Variants in EPB41L3 observed in about 807,000 individuals in gnomAD.
The protein encoded by EPB41L3 is band 4.1-like protein 3.
A neutral mutation model predicts 127.1 loss-of-function variants in EPB41L3; 57 were observed. That is an observed-to-expected ratio of 0.45 (90% confidence interval 0.36 to 0.56). EPB41L3 has a LOEUF of 0.56. EPB41L3 is among the 20% of genes least tolerant of loss of function. The pLI is 0.00. For missense variants in EPB41L3, 1,273 were observed against 1,372.2 expected (o/e 0.93, Z 1.14); for synonymous variants, 572 against 549.5 (o/e 1.04, Z -0.57).
intron 3 of EPB41L3, among the ~76,000 whole-genome samples, chr18:5,450,473 GT>G (rs1375590781): frequency 6.9e-6 from 1 of 145,184 alleles, no homozygotes; most frequent in Non-Finnish European, 1.5e-5. Flanking sequence ...ACTGGGGGGG[GT>G]GAGGGGAAGA....
At chr18:5,437,995 C>A in intron 6 of EPB41L3, 40 bp downstream of exon 6, 1 of 1,577,904 alleles carries the variant, frequency 6.3e-7, no homozygotes, top group South Asian at 1.1e-5. Flanking sequence ...GCACAACTCT[C>A]CCAATATGCT....
intron 1 of EPB41L3, among the ~76,000 whole-genome samples, chr18:5,505,002 C>T (rs1428102792): frequency 6.6e-6 from 1 of 152,128 alleles, no homozygotes; most frequent in African/African-American, 2.4e-5. Context: ...AAGCTCGCTC[C>T]AACACCACCT....
At chr18:5,396,978 A>G in intron 18 of EPB41L3, 80 bp downstream of exon 18, 4 of 1,427,870 alleles carry the variant, frequency 2.8e-6, no homozygotes, top group Non-Finnish European at 3.8e-6. Context: ...ACTTAGCTCC[A>G]CCTTTATGCT....
intron 19 of EPB41L3, 39 bp downstream of exon 19, chr18:5,396,162 A>C: frequency 6.2e-7 from 1 of 1,613,590 alleles, no homozygotes; most frequent in South Asian, 1.1e-5. Context: ...GAGGGGTGAA[A>C]TAAGCAGCCA....
chr18:5,476,034 G>A (rs1428018819), intron 3 of EPB41L3, among the ~76,000 whole-genome samples: 1 of 152,014 alleles, frequency 6.6e-6, no homozygotes, highest in Non-Finnish European at 1.5e-5. Flanking sequence ...CAAAACGCAA[G>A]AGCCATTGTA....
chr18:5,445,643 C>A (rs1368128558), intron 3 of EPB41L3, among the ~76,000 whole-genome samples: 1 of 152,092 alleles, frequency 6.6e-6, no homozygotes, highest in Non-Finnish European at 1.5e-5. Flanking sequence ...ATGCAGAGTG[C>A]CCTAACTCAA....
intron 3 of EPB41L3, among the ~76,000 whole-genome samples, chr18:5,595,580 T>C (rs569223404): frequency 6.6e-6 from 1 of 152,200 alleles, no homozygotes; most frequent in South Asian, 2.1e-4. Flanking sequence ...TTATTTGTTA[T>C]CTGATGTGCC....
chr18:5,399,650 A>T (rs927918966), intron 16 of EPB41L3: 3 of 310,130 alleles, frequency 9.7e-6, no homozygotes, highest in African/African-American at 6.4e-5. Flanking sequence ...TTTTTGAAGA[A>T]CAGATTTGCT....
At chr18:5,485,486 C>T (rs1392190091) in intron 2 of EPB41L3, among the ~76,000 whole-genome samples, 2 of 151,854 alleles carry the variant, frequency 1.3e-5, no homozygotes, top group Non-Finnish European at 2.9e-5. Flanking sequence ...ACTGGAAGTC[C>T]TGGCTGGCAC....
intron 1 of EPB41L3, among the ~76,000 whole-genome samples, chr18:5,509,527 C>T (rs975673720): frequency 6.6e-6 from 1 of 152,144 alleles, no homozygotes; most frequent in Non-Finnish European, 1.5e-5. Flanking sequence ...TAAAAGGAAT[C>T]GAAGGAGATC....
chr18:5,622,644 A>G (rs73937179), intron 1 of EPB41L3, among the ~76,000 whole-genome samples: 2,983 of 152,298 alleles, frequency 0.02, 93 homozygotes, highest in African/African-American at 0.067. Flanking sequence ...AAGGCACCCA[A>G]CGTTCAAAGA....
intron 3 of EPB41L3, chr18:5,570,053 C>T (rs2094256901): frequency 6.6e-6 from 1 of 152,112 alleles, no homozygotes; most frequent in South Asian, 2.1e-4. Flanking sequence ...AGGAGGTCTA[C>T]AGGTAAGCAG....
At chr18:5,434,198 T>C in intron 6 of EPB41L3, 77 bp from the exon 7 acceptor site, 1 of 1,176,274 alleles carries the variant, frequency 8.5e-7, no homozygotes, top group South Asian at 1.3e-5. Flanking sequence ...GTAAAAATCG[T>C]GGGCAAATAA....
intron 3 of EPB41L3, among the ~76,000 whole-genome samples, chr18:5,475,161 T>C (rs2086921698): frequency 6.6e-6 from 1 of 152,188 alleles, no homozygotes; most frequent in African/African-American, 2.4e-5. Context: ...CACCATCCTA[T>C]AATTCTCGCT....
intron 14 of EPB41L3, among the ~76,000 whole-genome samples, chr18:5,408,418 C>T (rs1373139415): frequency 3.3e-5 from 5 of 151,562 alleles, no homozygotes; most frequent in African/African-American, 9.7e-5. Context: ...GGATTACAGG[C>T]GCCTGCCACC....
intron 1 of EPB41L3, among the ~76,000 whole-genome samples, chr18:5,541,252 CAAA>C (rs370717420): frequency 1.3e-4 from 6 of 46,758 alleles, no homozygotes; most frequent in Admixed American, 7.7e-4. Context: ...GACTCCATCT[CAAA>C]AAAAAAAAAA....
intron 3 of EPB41L3, among the ~76,000 whole-genome samples, chr18:5,605,950 A>G (rs1306230975): frequency 6.6e-6 from 1 of 152,186 alleles, no homozygotes. Flanking sequence ...GGAGGATGAA[A>G]AAAATCACAG....
intron 3 of EPB41L3, among the ~76,000 whole-genome samples, chr18:5,557,616 C>G (rs1489719454): frequency 6.6e-6 from 1 of 151,126 alleles, no homozygotes; most frequent in African/African-American, 2.5e-5. Flanking sequence ...GAACTCTGAC[C>G]TCAAATGATC....
chr18:5,455,294 GAAAAA>G (rs144449478), intron 3 of EPB41L3, among the ~76,000 whole-genome samples: 1 of 146,050 alleles, frequency 6.8e-6, no homozygotes, highest in Non-Finnish European at 1.5e-5. Context: ...TTACTCTTAC[GAAAAA>G]AAAAAATCCC....
Sources: allele counts gnomAD v4.1 joint callset (sites outside exome capture counted in the v4.1 genomes callset), GRCh38; gene constraint gnomAD v4.1.1; transcripts MANE v1.5; gene names NCBI Gene and HGNC (gene_info 2026-07-23, HGNC 2026-07-21).